Variants in ARMC8 observed in about 807,000 individuals in gnomAD.
The protein encoded by ARMC8 is armadillo repeat containing 8.
ARMC8 carries 20 observed loss-of-function variants against 99.3 expected under a neutral mutation model. The ratio of observed to expected loss-of-function variants is 0.20; its 90% CI spans 0.14 to 0.29. The LOEUF (loss-of-function observed/expected upper bound fraction) is 0.29, where lower values mean the gene tolerates loss of function less well. ARMC8 is among the 10% of genes least tolerant of loss of function. The pLI, the probability that ARMC8 is intolerant of heterozygous loss-of-function variation, is 1.00. For synonymous variants in ARMC8, 263 were observed against 278.3 expected, an observed-to-expected ratio of 0.95 and a Z score of 0.55; for missense variants, 569 against 809.5, an observed-to-expected ratio of 0.70 and a Z score of 3.60.
At chr3:138,256,520 C>G (rs1052267235) in intron 12 of ARMC8, among the ~76,000 whole-genome samples, 1 of 149,614 alleles carries the variant, frequency 6.7e-6, no homozygotes, top group African/African-American at 2.5e-5. Context: ...ACGCCATTCT[C>G]CCGCCTCAGC....
At position 138,269,368 on chromosome 3, in the gene ARMC8, A is replaced by G. The variant is rs539383348; in HGVS notation, c.1387-672A>G. On this transcript the variant is annotated intron_variant, in intron 15 of 21. Transcript: ENST00000469044. ...TTTGAATATTTTTTAGAAATTACCA[A>G]AAATTCATGTTCAGTCAAGTATCAT... Among the ~76,000 whole-genome samples, 3 of 152,292 alleles carry G rather than the reference A, an allele frequency of 2.0e-5. No homozygotes were observed. In the East Asian group the frequency reaches 5.8e-4, roughly 29 times the overall value.
At position 138,191,198 on chromosome 3, in the gene ARMC8, A is replaced by G. The variant is rs2043362852; in HGVS notation, c.45+3599A>G. Among the ~76,000 whole-genome samples the G allele has an allele frequency of 3.9e-5, 6 of 152,252 alleles. No homozygotes were observed. In the South Asian group the frequency reaches 1.2e-3, roughly 32 times the overall value. ...TACTCAGTAAATGTTTGATTGAACT[A>G]TCTATTTTGGAGGGTTGGACAAACT... On this transcript the variant is annotated intron_variant, in intron 1 of 21. Transcript: ENST00000469044.
intron 2 of ARMC8, among the ~76,000 whole-genome samples, chr3:138,220,847 A>G (rs1296181681): frequency 6.6e-6 from 1 of 151,740 alleles, no homozygotes; most frequent in African/African-American, 2.4e-5. Context: ...GTGCCACCAC[A>G]CCTGGCTAAT....
chr3:138,283,906 C>T (rs1234150458), intron 18 of ARMC8, among the ~76,000 whole-genome samples: 2 of 152,148 alleles, frequency 1.3e-5, no homozygotes, highest in African/African-American at 2.4e-5. Flanking sequence ...CCTAAGTGCA[C>T]ATGGCTGGTG....
chr3:138,263,812 C>G lies in ARMC8; in HGVS notation c.1208C>G (p.Ala403Gly). The G allele has an allele frequency of 1.2e-6, 2 of 1,613,872 alleles. No individual in the cohort carries two copies. The highest frequency in any genetic ancestry group is 1.7e-6 in the Non-Finnish European group (2 of 1,179,766). Residue 403 changes from alanine to glycine, a missense_variant, in exon 13 of 22, where the codon GCT becomes GGT. This residue lies in a region of ARMC8 where 227 missense variants were observed against 417.9 expected (regional missense o/e 0.54). Transcript: ENST00000469044. Reference sequence around the variant, plus strand: ...GAGTCTAGTGTCAAGGTGCGGTTAGCTGCCGTCAGGTATGAGCTTTAAATG... The same window carrying G: ...GAGTCTAGTGTCAAGGTGCGGTTAGGTGCCGTCAGGTATGAGCTTTAAATG... ...LSESSVKVRL[A>G]AVRCLHSLSR...
intron 15 of ARMC8, among the ~76,000 whole-genome samples, chr3:138,267,464 T>A (rs1473600483): frequency 6.6e-6 from 1 of 152,222 alleles, no homozygotes; most frequent in Non-Finnish European, 1.5e-5. Context: ...TTCAGCTTAT[T>A]TAAAAGATAT....
chr3:138,294,739 C>T (rs2051307619), intron 21 of ARMC8, among the ~76,000 whole-genome samples: 1 of 152,126 alleles, frequency 6.6e-6, no homozygotes, highest in Admixed American at 6.5e-5. Flanking sequence ...CCCACGATTA[C>T]AGCCTCTTTA....
intron 21 of ARMC8, among the ~76,000 whole-genome samples, chr3:138,291,526 T>C (rs2050952169): frequency 6.6e-6 from 1 of 152,168 alleles, no homozygotes; most frequent in South Asian, 2.1e-4. Context: ...ATTGATGAAG[T>C]CTTTGCCCTC....
rs368901147 is a variant in ARMC8 at position 138,262,508 on chromosome 3, G to A, written c.1135-1231G>A. On this transcript the variant is annotated intron_variant, in intron 12 of 21. Transcript: ENST00000469044. ...ATCCTGAGGTTTTCCACTCTCTCATGTTCTAAGGTCAGACTTCTGAATCCT... is the reference window on the plus strand; with the variant it reads ...ATCCTGAGGTTTTCCACTCTCTCATATTCTAAGGTCAGACTTCTGAATCCT... 67 of 1,604,078 alleles carry A rather than the reference G, an allele frequency of 4.2e-5. No individual in the cohort carries two copies. In the African/African-American group the frequency reaches 7.8e-4, roughly 19 times the overall value.
intron 13 of ARMC8, 101 bp downstream of exon 13, chr3:138,263,922 CA>C: frequency 8.6e-7 from 1 of 1,162,050 alleles, no homozygotes; most frequent in Admixed American, 1.7e-5. Flanking sequence ...AAATGTTCCT[CA>C]AAAATCTGCT....
intron 1 of ARMC8, among the ~76,000 whole-genome samples, chr3:138,201,263 TA>T (rs2044048350): frequency 5.6e-3 from 2 of 360 alleles, no homozygotes; most frequent in East Asian, 0.12. Flanking sequence ...GCTGTTTAAA[TA>T]TTTTCTTGAC....
At chr3:138,222,167 T>C (rs1401110378) in intron 3 of ARMC8, among the ~76,000 whole-genome samples, 170 bp downstream of exon 3, 2 of 152,226 alleles carry the variant, frequency 1.3e-5, no homozygotes, top group Non-Finnish European at 2.9e-5. Flanking sequence ...AAAAAAATTA[T>C]AAAGTAACAG....
Position 138,296,030 on chromosome 3 carries a change from G to A in ARMC8, c.*138G>A. 2 of 694,338 alleles carry A rather than the reference G, an allele frequency of 2.9e-6. No homozygotes were observed. Among genetic ancestry groups the A allele is most frequent in the Middle Eastern group, 3.5e-4 (1 of 2,872 alleles). 43.0% of individuals were successfully genotyped at this position (694,338 alleles called of 1,614,324 possible). ...CTGTTTTGCAAAAGCAGTTTAGTAG[G>A]CTTAGATCTCAAATTCATCTTGAGA... On this transcript the variant is annotated 3_prime_UTR_variant, in exon 22 of 22. Transcript: ENST00000469044.
At chr3:138,216,053 T>A (rs1481130715) in intron 2 of ARMC8, among the ~76,000 whole-genome samples, 2 of 150,514 alleles carry the variant, frequency 1.3e-5, no homozygotes, top group Admixed American at 6.6e-5. Context: ...TAATTTTTTT[T>A]TTTTTTTTTT....
chr3:138,289,477 A>G (rs1484737235), intron 20 of ARMC8, among the ~76,000 whole-genome samples: 1 of 152,200 alleles, frequency 6.6e-6, no homozygotes, highest in African/African-American at 2.4e-5. Context: ...GAGCAGAGGA[A>G]GCACATATGA....
intron 18 of ARMC8, among the ~76,000 whole-genome samples, chr3:138,277,702 ACAGT>A (rs2049438744): frequency 6.6e-6 from 1 of 152,236 alleles, no homozygotes; most frequent in South Asian, 2.1e-4. Context: ...GCAAAATAAT[ACAGT>A]CATTTTGGAA....
chr3:138,205,362 T>C (rs1195931490), intron 1 of ARMC8, among the ~76,000 whole-genome samples: 1 of 152,184 alleles, frequency 6.6e-6, no homozygotes, highest in Admixed American at 6.5e-5. Context: ...ATTCAGTCTT[T>C]TAATGTGCTC....
chr3:138,239,642 CG>C (rs1434926369), intron 10 of ARMC8, 114 bp downstream of exon 10: 2 of 570,436 alleles, frequency 3.5e-6, no homozygotes, highest in Non-Finnish European at 5.9e-6. Flanking sequence ...ATGTGCATGG[CG>C]TAGAATAATA....
At chr3:138,242,081 C>T (rs1330000726) in intron 11 of ARMC8, 98 bp downstream of exon 11, 9 of 909,934 alleles carry the variant, frequency 9.9e-6, no homozygotes, top group Admixed American at 2.4e-5. Flanking sequence ...CAGCTTAAAG[C>T]CCTTTTAAAT....
Sources: allele counts gnomAD v4.1 joint callset (sites outside exome capture counted in the v4.1 genomes callset), GRCh38; gene constraint gnomAD v4.1.1; regional missense constraint gnomAD v4.1.1; transcripts MANE v1.5; gene names NCBI Gene and HGNC (gene_info 2026-07-23, HGNC 2026-07-21).